Variants in PCSK1 observed in about 807,000 individuals in gnomAD.
The protein encoded by PCSK1 is proprotein convertase subtilisin/kexin type 1, also known as neuroendocrine convertase 1.
Under a neutral mutation model 90.6 loss-of-function variants are expected in PCSK1, and 56 were observed. The ratio of observed to expected loss-of-function variants is 0.62; its 90% confidence interval spans 0.50 to 0.77. The LOEUF (loss-of-function observed/expected upper bound fraction) is 0.77, where lower values mean the gene tolerates loss of function less well. Among genes scored for constraint, PCSK1 ranks in the 30% least tolerant of loss-of-function variants. The pLI is 0.00. For synonymous variants in PCSK1, 348 were observed against 342.4 expected, an observed-to-expected ratio of 1.02 and a Z score of -0.18; for missense variants, 801 against 932.6, an observed-to-expected ratio of 0.86 and a Z score of 1.84.
At chr5:96,396,859 CTG>C (rs1449225067) in intron 12 of PCSK1, among the ~76,000 whole-genome samples, 2 of 152,144 alleles carry the variant, frequency 1.3e-5, no homozygotes, top group East Asian at 1.9e-4. Context: ...ATGACTAAAA[CTG>C]TTTAAAAAAG....
At chr5:96,418,332 G>T (rs951595249) in intron 5 of PCSK1, among the ~76,000 whole-genome samples, 1 of 152,096 alleles carries the variant, frequency 6.6e-6, no homozygotes, top group Non-Finnish European at 1.5e-5. Context: ...TAAACAAAAT[G>T]ATTTGTTTAA....
At chr5:96,399,124 G>C in intron 10 of PCSK1, 88 bp from the exon 11 acceptor site, 1 of 937,636 alleles carries the variant, frequency 1.1e-6, no homozygotes, top group Non-Finnish European at 1.7e-6. Flanking sequence ...ATCTTGACTA[G>C]ATGCTCAACT....
In PCSK1 at chr5:96,393,100, A is replaced by G; in HGVS notation, c.2163T>C (p.Tyr721=). ...TATAAAAAACATCAACATAGTCATTATACAGACTGTCTTCAGAGTCTTTAA... is the reference window on the plus strand; with the variant it reads ...TATAAAAAACATCAACATAGTCATTGTACAGACTGTCTTCAGAGTCTTTAA... ...SQLKDSEDSL[Y]NDYVDVFYNT... Residue 721 remains tyrosine, a synonymous_variant, in exon 14 of 14, where the codon TAT becomes TAC. Transcript: ENST00000311106. 1 of 1,614,182 alleles carries G rather than the reference A, an allele frequency of 6.2e-7. No homozygotes were observed. Among genetic ancestry groups the G allele is most frequent in the Non-Finnish European group, 8.5e-7 (1 of 1,179,996 alleles).
chr5:96,412,752 G>GTTTTGTTTTTT (rs1760801934), intron 6 of PCSK1, among the ~76,000 whole-genome samples: 2 of 71,830 alleles, frequency 2.8e-5, no homozygotes, highest in African/African-American at 1.8e-4. Flanking sequence ...CAGCTGTGAT[G>GTTTTGTTTTTT]TTTTTTTTTT....
intron 6 of PCSK1, among the ~76,000 whole-genome samples, chr5:96,414,182 G>A (rs900949607): frequency 4.0e-5 from 6 of 151,656 alleles, no homozygotes; most frequent in African/African-American, 1.5e-4. Context: ...ACCAGCTGTG[G>A]AATCTTGGGC....
chr5:96,398,235 C>T (rs1263703976), intron 11 of PCSK1, among the ~76,000 whole-genome samples: 1 of 152,182 alleles, frequency 6.6e-6, no homozygotes, highest in African/African-American at 2.4e-5. Flanking sequence ...GATAGCTCAT[C>T]TTTCCTCACA....
intron 6 of PCSK1, chr5:96,412,947 GCC>G: frequency 9.9e-7 from 1 of 1,010,900 alleles, no homozygotes; most frequent in Non-Finnish European, 1.2e-6. Context: ...CCTCCAAGCA[GCC>G]CTCTGGTGAT....
At position 96,397,473 on chromosome 5, in the gene PCSK1, T is replaced by C. The variant is rs772352076; in HGVS notation, c.1589-4A>G. The C allele has an allele frequency of 2.7e-5, 44 of 1,611,770 alleles. No individual in the cohort carries two copies. The highest frequency in any genetic ancestry group is 3.4e-5 in the Non-Finnish European group (40 of 1,178,030). On this transcript the variant is annotated splice_polypyrimidine_tract_variant and splice_region_variant and intron_variant, in intron 11 of 13. Transcript: ENST00000311106. Reference sequence around the variant, plus strand: ...GCCAAGAGCACAGTGCTAGTTCCTATGAAACAAATACAAGTTAATGAATGT... The same window carrying C: ...GCCAAGAGCACAGTGCTAGTTCCTACGAAACAAATACAAGTTAATGAATGT...
chr5:96,430,195 G>A (rs899811356), intron 1 of PCSK1, among the ~76,000 whole-genome samples: 4 of 152,096 alleles, frequency 2.6e-5, no homozygotes, highest in African/African-American at 7.2e-5. Context: ...GTACTTCTCC[G>A]GGTATCTATT....
At chr5:96,425,044 G>GAAAA (rs1371462746) in intron 3 of PCSK1, among the ~76,000 whole-genome samples, 20 of 127,180 alleles carry the variant, frequency 1.6e-4, no homozygotes, top group South Asian at 5.9e-4. Flanking sequence ...AAGAAAGAAA[G>GAAAA]AAAGAAAGAA....
rs1292833252 is a variant in PCSK1 at position 96,416,019 on chromosome 5, A to G, written c.709+14T>C. ...ATTAAAATGCCAAGCTATAGGGACAATCCTCTGTTTTACCTCCAACTTTGG... is the reference window on the plus strand; with the variant it reads ...ATTAAAATGCCAAGCTATAGGGACAGTCCTCTGTTTTACCTCCAACTTTGG... On this transcript the variant is annotated intron_variant, in intron 6 of 13. Transcript: ENST00000311106. 2 of 1,537,118 alleles carry G rather than the reference A, an allele frequency of 1.3e-6. No homozygotes were observed. The highest frequency in any genetic ancestry group is 1.8e-6 in the Non-Finnish European group (2 of 1,109,562).
chr5:96,423,588 A>G, intron 3 of PCSK1, 129 bp from the exon 4 acceptor site: 5 of 809,344 alleles, frequency 6.2e-6, no homozygotes, highest in Non-Finnish European at 1.0e-5. Context: ...GAAGAAGCCA[A>G]TTCAGTGAAA....
At position 96,421,904 on chromosome 5, in the gene PCSK1, C is replaced by T. The variant is rs747836537; in HGVS notation, c.596G>A (p.Arg199Gln). ...CTTGTTCTCGTTTGTGGGATCATAT[C>T]GGGGAAATGGATCATGGTCATTATC... The part of the protein sequence containing the change: ...FNDNDHDPFP[R>Q]YDPTNENKHG... Residue 199 changes from arginine (R) to glutamine (Q), a missense_variant, in exon 5 of 14, where the codon CGA becomes CAA. By Grantham distance (43) the Arg-to-Gln change is conservative (BLOSUM62 1). Transcript: ENST00000311106. 29 of 1,574,566 alleles carry T rather than the reference C, an allele frequency of 1.8e-5. No homozygotes were observed. The highest frequency in any genetic ancestry group is 2.8e-5 in the African/African-American group (2 of 71,964).
intron 3 of PCSK1, among the ~76,000 whole-genome samples, chr5:96,424,520 G>T (rs1197122480): frequency 6.6e-6 from 1 of 152,154 alleles, no homozygotes; most frequent in Non-Finnish European, 1.5e-5. Flanking sequence ...TCTGTTAAAT[G>T]GGCATAATTA....
chr5:96,426,159 A>G (rs543643005), intron 2 of PCSK1, among the ~76,000 whole-genome samples: 10 of 152,344 alleles, frequency 6.6e-5, no homozygotes, highest in African/African-American at 2.2e-4. Context: ...AGAAGCAGTC[A>G]GTGAAATGAT....
chr5:96,397,392 C>T lies in PCSK1; in HGVS notation c.1666G>A (p.Val556Ile), dbSNP rs746741588. Reference sequence around the variant, plus strand: ...ATAGGGTTCTCTCCCCATGTGTGAACAGACATGAAGTCCCAATTCTTAAAG... The same window carrying T: ...ATAGGGTTCTCTCCCCATGTGTGAATAGACATGAAGTCCCAATTCTTAAAG... ...NGFKNWDFMS[V>I]HTWGENPIGT... Residue 556 changes from valine (V) to isoleucine (I), a missense_variant, in exon 12 of 14, where the codon GTT becomes ATT. Coordinates refer to ENST00000311106, the MANE Select transcript of PCSK1 (RefSeq NM_000439.5). The T allele has an allele frequency of 4.4e-5, 71 of 1,611,930 alleles. No individual in the cohort carries two copies. The highest frequency in any genetic ancestry group is 5.6e-5 in the Non-Finnish European group (66 of 1,178,140).
At chr5:96,411,007 C>T (rs1250202576) in intron 7 of PCSK1, 21 bp from the exon 8 acceptor site, 1 of 1,542,860 alleles carries the variant, frequency 6.5e-7, no homozygotes, top group African/African-American at 1.4e-5. Context: ...AGCCAGAATG[C>T]ATATTATCTG....
At chr5:96,396,047 A>G (rs972771570) in intron 12 of PCSK1, among the ~76,000 whole-genome samples, 2 of 152,170 alleles carry the variant, frequency 1.3e-5, no homozygotes, top group Non-Finnish European at 2.9e-5. Context: ...GGTGAAATTG[A>G]GTTGAAGAAT....
At chr5:96,401,439 C>G (rs2112402610) in intron 9 of PCSK1, among the ~76,000 whole-genome samples, 1 of 152,218 alleles carries the variant, frequency 6.6e-6, no homozygotes, top group Non-Finnish European at 1.5e-5. Context: ...ACCTGGCATG[C>G]CAGAAAGGGA....
Sources: gnomAD v4.1 joint callset for allele counts (sites outside exome capture counted in the v4.1 genomes callset) on GRCh38, gnomAD v4.1.1 for gene constraint, MANE v1.5 for transcripts, NCBI Gene and HGNC (gene_info 2026-07-23, HGNC 2026-07-21) for gene names.